Variants in GPC5 observed in about 807,000 individuals in gnomAD.
GPC5 encodes the protein glypican 5.
A neutral mutation model predicts 53.9 loss-of-function variants in GPC5; 47 were observed. The ratio of observed to expected loss-of-function variants is 0.87; its 90% CI spans 0.69 to 1.11. GPC5 has a LOEUF of 1.11. Among genes scored for constraint, GPC5 ranks in the 50% most tolerant of loss-of-function variants. The pLI, the probability that GPC5 is intolerant of heterozygous loss-of-function variation, is 0.00. For missense variants in GPC5, 748 were observed against 713.1 expected, an observed-to-expected ratio of 1.05 and a Z score of -0.56; for synonymous variants, 286 against 263.3, an observed-to-expected ratio of 1.09 and a Z score of -0.84.
intron 6 of GPC5, among the ~76,000 whole-genome samples, chr13:91,991,028 G>A (rs1336655487): frequency 6.6e-6 from 1 of 152,124 alleles, no homozygotes; most frequent in Non-Finnish European, 1.5e-5. Flanking sequence ...CTTTTGGGAA[G>A]GCAAATTTCA....
intron 3 of GPC5, among the ~76,000 whole-genome samples, chr13:91,716,184 C>T (rs1209724269): frequency 6.6e-6 from 1 of 152,016 alleles, no homozygotes; most frequent in African/African-American, 2.4e-5. Flanking sequence ...TTCAGTTTTT[C>T]ATTATTCAAA....
At chr13:91,975,071 A>T (rs567830642) in intron 6 of GPC5, among the ~76,000 whole-genome samples, 1 of 152,356 alleles carries the variant, frequency 6.6e-6, no homozygotes, top group South Asian at 2.1e-4. Context: ...AGACATATGT[A>T]GAAAGATGAA....
At chr13:91,692,510 G>A (rs2035777830) in intron 2 of GPC5, among the ~76,000 whole-genome samples, 1 of 152,058 alleles carries the variant, frequency 6.6e-6, no homozygotes, top group South Asian at 2.1e-4. Flanking sequence ...TACTTAATGT[G>A]ACCATCTTTT....
intron 7 of GPC5, among the ~76,000 whole-genome samples, chr13:92,752,888 T>A (rs994561223): frequency 1.3e-5 from 2 of 152,068 alleles, no homozygotes; most frequent in East Asian, 3.9e-4. Context: ...GAGATCAAAC[T>A]GCAAGGCGGC....
At chr13:91,866,928 C>G (rs2039090749) in intron 5 of GPC5, among the ~76,000 whole-genome samples, 1 of 152,080 alleles carries the variant, frequency 6.6e-6, no homozygotes, top group Admixed American at 6.6e-5. Context: ...TCATCATTGG[C>G]TGGATGTGGG....
At chr13:92,758,499 C>A (rs1305778739) in intron 7 of GPC5, among the ~76,000 whole-genome samples, 1 of 151,834 alleles carries the variant, frequency 6.6e-6, no homozygotes, top group African/African-American at 2.4e-5. Context: ...AGAATATTTT[C>A]TGTTATATAG....
intron 3 of GPC5, among the ~76,000 whole-genome samples, chr13:91,694,089 T>G (rs192945772): frequency 6.6e-6 from 1 of 152,328 alleles, no homozygotes; most frequent in East Asian, 1.9e-4. Flanking sequence ...TACTGTGACG[T>G]GGCAAGAGCT....
intron 6 of GPC5, among the ~76,000 whole-genome samples, chr13:91,999,473 A>T (rs2040535343): frequency 6.6e-6 from 1 of 152,158 alleles, no homozygotes; most frequent in African/African-American, 2.4e-5. Context: ...TATTTTGCTT[A>T]GTTGACTTGT....
At chr13:92,618,006 T>A (rs9516102) in intron 7 of GPC5, among the ~76,000 whole-genome samples, 54,092 of 152,000 alleles carry the variant, frequency 0.36, 12,169 homozygotes, top group East Asian at 0.73. Context: ...AATGCTTCAG[T>A]TATGTGCAGC....
intron 5 of GPC5, among the ~76,000 whole-genome samples, chr13:91,900,274 G>A (rs1315680956): frequency 2.0e-5 from 3 of 152,020 alleles, no homozygotes; most frequent in Non-Finnish European, 2.9e-5. Context: ...GCTTAAAATA[G>A]CATTTAATTT....
At chr13:92,297,381 G>A (rs9589489) in intron 7 of GPC5, among the ~76,000 whole-genome samples, 3,489 of 100,292 alleles carry the variant, frequency 0.035, 2 homozygotes, top group Middle Eastern at 0.068. Context: ...AGGTTTGTGA[G>A]TGCACCAATC....
Position 91,693,857 on chromosome 13 carries a change from C to T in GPC5, c.996C>T (p.Leu332=), listed in dbSNP as rs2035821216. 3 of 1,597,786 alleles carry T rather than the reference C, an allele frequency of 1.9e-6. No individual in the cohort carries two copies. The highest frequency in any genetic ancestry group is 2.2e-5 in the South Asian group (2 of 90,676). ...ATGATGCTGTGTTACAGGCTCACCT[C>T]AATGGACAAAAATTATTGGAACAGG... ...LVNDAVLQAH[L]NGQKLLEQVN... Residue 332 remains leucine, a synonymous_variant, in exon 3 of 8, where the codon CTC becomes CTT. Coordinates refer to ENST00000377067, the MANE Select transcript of GPC5 (RefSeq NM_004466.6).
At chr13:91,409,892 T>C (rs1474818285) in intron 1 of GPC5, among the ~76,000 whole-genome samples, 1 of 152,210 alleles carries the variant, frequency 6.6e-6, no homozygotes, top group Non-Finnish European at 1.5e-5. Flanking sequence ...TCCCAGTGTC[T>C]GTGTTTCCCA....
At chr13:91,975,173 G>T (rs1355608298) in intron 6 of GPC5, among the ~76,000 whole-genome samples, 8 of 152,088 alleles carry the variant, frequency 5.3e-5, no homozygotes, top group African/African-American at 9.7e-5. Context: ...AACCCTAGAA[G>T]AAAACCTAGG....
intron 7 of GPC5, among the ~76,000 whole-genome samples, chr13:92,818,071 G>T (rs1376537560): frequency 4.7e-5 from 7 of 149,822 alleles, no homozygotes; most frequent in Non-Finnish European, 7.4e-5. Flanking sequence ...GGAGTGCAGT[G>T]GCGCGATCGC....
At chr13:91,905,382 T>A (rs574011226) in intron 5 of GPC5, among the ~76,000 whole-genome samples, 24 of 152,004 alleles carry the variant, frequency 1.6e-4, no homozygotes, top group Non-Finnish European at 2.8e-4. Flanking sequence ...TTGTACTATT[T>A]GTTATTGATG....
chr13:92,771,300 C>A (rs1875606300), intron 7 of GPC5, among the ~76,000 whole-genome samples: 1 of 152,116 alleles, frequency 6.6e-6, no homozygotes. Flanking sequence ...GAAATAGGAT[C>A]TAGACTTCTG....
At chr13:92,770,970 A>G (rs1444517459) in intron 7 of GPC5, among the ~76,000 whole-genome samples, 1 of 151,408 alleles carries the variant, frequency 6.6e-6, no homozygotes, top group Non-Finnish European at 1.5e-5. Context: ...ATTTCCCCCT[A>G]CCTCTCCACT....
At chr13:91,609,496 G>T (rs11840363) in intron 2 of GPC5, among the ~76,000 whole-genome samples, 2,772 of 152,254 alleles carry the variant, frequency 0.018, 84 homozygotes, top group African/African-American at 0.063. Context: ...TTCTGTTAAG[G>T]TTCCTTAATC....
Sources: allele counts gnomAD v4.1 joint callset (sites outside exome capture counted in the v4.1 genomes callset), GRCh38; gene constraint gnomAD v4.1.1; transcripts MANE v1.5; gene names NCBI Gene and HGNC (gene_info 2026-07-23, HGNC 2026-07-21).